The following DACH1 variants were observed in gnomAD, a reference collection of about 807,000 sequenced individuals.
The protein encoded by DACH1 is dachshund homolog 1.
A neutral mutation model predicts 54.2 loss-of-function variants in DACH1; 12 were observed. That is an observed-to-expected ratio of 0.22 (90% CI 0.14 to 0.36). The LOEUF (loss-of-function observed/expected upper bound fraction) is 0.36, where lower values mean the gene tolerates loss of function less well. DACH1 is among the 10% of genes least tolerant of loss of function. DACH1 has a pLI of 1.00. For synonymous variants in DACH1, 386 were observed against 366.2 expected (o/e 1.05, Z -0.62); for missense variants, 805 against 929.8 (o/e 0.87, Z 1.75).
intron 10 of DACH1, among the ~76,000 whole-genome samples, chr13:71,460,789 C>G (rs1876002678): frequency 6.6e-6 from 1 of 151,966 alleles, no homozygotes; most frequent in Non-Finnish European, 1.5e-5. Flanking sequence ...AAGCTTATTC[C>G]AGTCCCATTT....
At chr13:71,612,378 A>T (rs146376974) in intron 3 of DACH1, among the ~76,000 whole-genome samples, 272 of 152,286 alleles carry the variant, frequency 1.8e-3, no homozygotes, top group African/African-American at 6.2e-3. Context: ...ATACAGTAAG[A>T]CACAAAATGT....
intron 1 of DACH1, among the ~76,000 whole-genome samples, chr13:71,861,379 C>T (rs9572817): frequency 0.18 from 28,047 of 151,676 alleles, 4,060 homozygotes; most frequent in East Asian, 0.72. Flanking sequence ...CAAAAATAAC[C>T]ACGATATTGT....
At chr13:71,660,546 T>C (rs1316071584) in intron 2 of DACH1, among the ~76,000 whole-genome samples, 1 of 152,026 alleles carries the variant, frequency 6.6e-6, no homozygotes, top group African/African-American at 2.4e-5. Flanking sequence ...AGCAGAGGCA[T>C]GGAGTTATGA....
chr13:71,515,636 C>A (rs762763108), intron 6 of DACH1, among the ~76,000 whole-genome samples: 26 of 151,910 alleles, frequency 1.7e-4, no homozygotes, highest in Middle Eastern at 6.8e-3. Flanking sequence ...ATGTGGAGTT[C>A]AGTAAAGGGG....
At chr13:71,826,129 T>C (rs1442095607) in intron 1 of DACH1, among the ~76,000 whole-genome samples, 2 of 152,094 alleles carry the variant, frequency 1.3e-5, no homozygotes, top group Non-Finnish European at 2.9e-5. Context: ...AAAAGTTACA[T>C]TTTACAGCAA....
At position 71,572,911 on chromosome 13, in the gene DACH1, T is replaced by G. The variant is rs1219657960; in HGVS notation, c.1228A>C (p.Thr410Pro). ...GCTGCTGCTGCCATATTTGCAATGGTGCTGAGGTGGTTCATCTGGCTCATT... is the reference window on the plus strand; with the variant it reads ...GCTGCTGCTGCCATATTTGCAATGGGGCTGAGGTGGTTCATCTGGCTCATT... ...MAMSQMNHLSTIANMAAAAQV... is the reference protein window; with the variant it reads ...MAMSQMNHLSPIANMAAAAQV... The change falls in exon 4 of 11, where the codon ACC becomes CCC. Residue 410 changes from threonine (T) to proline (P), a missense_variant. Thr to Pro is a conservative substitution (Grantham distance 38). Around this residue, in one of 3 missense-constraint regions of DACH1, gnomAD observed 472 missense variants for 545.3 expected, o/e 0.87. Transcript: ENST00000613252. The G allele has an allele frequency of 6.2e-7, 1 of 1,614,048 alleles. No homozygotes were observed. Among genetic ancestry groups the G allele is most frequent in the Admixed American group, 1.7e-5 (1 of 60,016 alleles).
chr13:71,639,449 C>G (rs1199273982), intron 2 of DACH1, among the ~76,000 whole-genome samples: 1 of 152,046 alleles, frequency 6.6e-6, no homozygotes, highest in African/African-American at 2.4e-5. Flanking sequence ...TGGAAACACT[C>G]CCTATACCAG....
chr13:71,492,767 ATGTG>A (rs1412679231), intron 6 of DACH1, among the ~76,000 whole-genome samples: 3 of 147,674 alleles, frequency 2.0e-5, no homozygotes, highest in African/African-American at 7.5e-5. Context: ...GTGTGAGTGT[ATGTG>A]TGTGTGTATG....
At chr13:71,851,708 A>G (rs967835814) in intron 1 of DACH1, among the ~76,000 whole-genome samples, 5 of 152,192 alleles carry the variant, frequency 3.3e-5, no homozygotes, top group Admixed American at 6.5e-5. Context: ...CCCCACCCCA[A>G]TATTGCTAGA....
At chr13:71,681,721 C>T (rs551009699) in intron 2 of DACH1, 74 bp downstream of exon 2, 1 of 1,014,496 alleles carries the variant, frequency 9.9e-7, no homozygotes, top group South Asian at 1.4e-5. Flanking sequence ...ATCGATGTCA[C>T]CACAGATATA....
At chr13:71,654,750 G>C (rs1008500928) in intron 2 of DACH1, among the ~76,000 whole-genome samples, 2 of 151,976 alleles carry the variant, frequency 1.3e-5, no homozygotes, top group Non-Finnish European at 2.9e-5. Flanking sequence ...CAATATTTTG[G>C]CCATTATGTC....
chr13:71,696,422 AG>A (rs1460772436), intron 1 of DACH1, among the ~76,000 whole-genome samples: 1 of 152,218 alleles, frequency 6.6e-6, no homozygotes, highest in East Asian at 1.9e-4. Flanking sequence ...AGACTGCTAA[AG>A]AAGTAGGACC....
chr13:71,766,025 A>T (rs969753242), intron 1 of DACH1, among the ~76,000 whole-genome samples: 14 of 151,798 alleles, frequency 9.2e-5, no homozygotes, highest in South Asian at 2.1e-4. Context: ...TAGCTGGGAC[A>T]ACAGGCGCCC....
chr13:71,758,073 C>T (rs868846866), intron 1 of DACH1, among the ~76,000 whole-genome samples: 77 of 151,922 alleles, frequency 5.1e-4, no homozygotes, highest in Middle Eastern at 3.4e-3. Flanking sequence ...AATTGACCAC[C>T]GAAGACTTGA....
intron 2 of DACH1, among the ~76,000 whole-genome samples, chr13:71,657,179 G>A (rs1368902495): frequency 6.6e-6 from 1 of 151,558 alleles, no homozygotes; most frequent in East Asian, 2.0e-4. Flanking sequence ...CACTGTATAG[G>A]ATCTTGCGGA....
intron 6 of DACH1, among the ~76,000 whole-genome samples, chr13:71,552,811 ATATATATATAT>A (rs1883917787): frequency 2.5e-5 from 1 of 40,108 alleles, no homozygotes; most frequent in Non-Finnish European, 4.7e-5. Context: ...ATATATATAT[ATATATATATAT>A]ATATATATAT....
intron 2 of DACH1, among the ~76,000 whole-genome samples, chr13:71,672,208 C>A (rs1306426815): frequency 6.6e-6 from 1 of 152,004 alleles, no homozygotes; most frequent in African/African-American, 2.4e-5. Flanking sequence ...AAAGTTGTAC[C>A]ATAATGTTCA....
At chr13:71,493,512 C>T (rs1287015092) in intron 6 of DACH1, among the ~76,000 whole-genome samples, 3 of 152,116 alleles carry the variant, frequency 2.0e-5, no homozygotes, top group Non-Finnish European at 4.4e-5. Context: ...TGGTTTAAGC[C>T]ACTAAGTTTT....
intron 2 of DACH1, among the ~76,000 whole-genome samples, chr13:71,659,644 T>C (rs909085334): frequency 6.6e-6 from 1 of 152,152 alleles, no homozygotes; most frequent in African/African-American, 2.4e-5. Flanking sequence ...CTCAATTCAA[T>C]TTACATAACC....
Sources: gnomAD v4.1 joint callset for allele counts (sites outside exome capture counted in the v4.1 genomes callset) on GRCh38, gnomAD v4.1.1 for gene constraint, gnomAD v4.1.1 regional missense constraint, MANE v1.5 for transcripts, NCBI Gene and HGNC (gene_info 2026-07-23, HGNC 2026-07-21) for gene names.